The following PIGF variants were observed in gnomAD, a reference collection of about 807,000 sequenced individuals.
The protein encoded by PIGF is GPI ethanolamine phosphate transferase, stabilizing subunit.
A neutral mutation model predicts 26.0 loss-of-function variants in PIGF; 23 were observed. That is an observed-to-expected ratio of 0.88 (90% confidence interval 0.64 to 1.25). The LOEUF is 1.25. Among genes scored for constraint, PIGF ranks in the 50% most tolerant of loss-of-function variants. PIGF has a pLI of 0.00. For synonymous variants in PIGF, 93 were observed against 92.6 expected (o/e 1.00, Z -0.03); for missense variants, 278 against 249.9 (o/e 1.11, Z -0.76).
Position 46,591,362 on chromosome 2 carries a change from G to C in PIGF, c.546+1113C>G, listed in dbSNP as rs181853222. 382 of 193,248 alleles carry C rather than the reference G, an allele frequency of 2.0e-3. 2 individuals carry two copies. The highest frequency in any genetic ancestry group is 2.8e-3 in the Admixed American group (43 of 15,342). The allele number at this position is 193,248 out of a possible 1,614,324, so 12.0% of individuals were successfully genotyped here. A position where few individuals can be genotyped will look rare whatever the true frequency, so the allele number is the denominator to read the frequency against. On this transcript the variant is annotated intron_variant, in intron 5 of 5. Transcript: ENST00000281382. The stretch of plus-strand genomic sequence containing the variant: ...AAAAGCAAATGGAGGTTTCCTCTGG[G>C]TGGTTGGGGAGGAAAGTAATTTTTA...
At chr2:46,597,923 C>G (rs986453090) in intron 4 of PIGF, among the ~76,000 whole-genome samples, 1 of 152,050 alleles carries the variant, frequency 6.6e-6, no homozygotes, top group Non-Finnish European at 1.5e-5. Context: ...AATATATGGG[C>G]CTTCTTAATC....
intron 4 of PIGF, among the ~76,000 whole-genome samples, chr2:46,601,631 G>A (rs1670057360): frequency 6.6e-6 from 1 of 152,038 alleles, no homozygotes; most frequent in Non-Finnish European, 1.5e-5. Context: ...TAAAACAAAT[G>A]CCTCTTTGCC....
At chr2:46,586,377 A>G (rs1335142425) in intron 5 of PIGF, among the ~76,000 whole-genome samples, 1 of 152,198 alleles carries the variant, frequency 6.6e-6, no homozygotes, top group Non-Finnish European at 1.5e-5. Flanking sequence ...TAAAGGTGTA[A>G]ACTAAGATTA....
rs374628552 is a variant in PIGF, at chr2:46,592,603, A to G, written c.438-20T>C. On this transcript the variant is annotated intron_variant, in intron 4 of 5. Coordinates refer to ENST00000281382, the MANE Select transcript of PIGF (RefSeq NM_002643.4). Reference sequence around the variant, plus strand: ...GTAACTCTGTGAAACACAAATTGGTACATCGTTGGTGGTATATACATGAGC... The same window carrying G: ...GTAACTCTGTGAAACACAAATTGGTGCATCGTTGGTGGTATATACATGAGC... 2 of 1,277,906 alleles carry G rather than the reference A, an allele frequency of 1.6e-6. No individual in the cohort carries two copies. The highest frequency in any genetic ancestry group is 2.9e-5 in the African/African-American group (2 of 68,542). 79.2% of individuals were successfully genotyped at this position (1,277,906 alleles called of 1,614,324 possible).
chr2:46,586,155 C>T lies in PIGF; in HGVS notation c.547-4564G>A, dbSNP rs75359015. Among the ~76,000 whole-genome samples the T allele has an allele frequency of 3.9e-3, 591 of 152,320 alleles. 4 individuals carry two copies. The highest frequency in any genetic ancestry group is 0.014 in the African/African-American group (574 of 41,570). On this transcript the variant is annotated intron_variant, in intron 5 of 5. Coordinates refer to ENST00000281382, the MANE Select transcript of PIGF (RefSeq NM_002643.4). Reference sequence around the variant, plus strand: ...GCAAATTCAGGAGCTGTACAACATACTGGCATTACGTTAACCATCTGTATC... The same window carrying T: ...GCAAATTCAGGAGCTGTACAACATATTGGCATTACGTTAACCATCTGTATC...
chr2:46,583,797 A>C (rs1362069002), intron 5 of PIGF, among the ~76,000 whole-genome samples: 1 of 152,184 alleles, frequency 6.6e-6, no homozygotes, highest in Non-Finnish European at 1.5e-5. Context: ...TATTTTACTG[A>C]CATGAATTTT....
chr2:46,594,439 A>C (rs1410439526), intron 4 of PIGF, among the ~76,000 whole-genome samples: 1 of 91,224 alleles, frequency 1.1e-5, no homozygotes, highest in Non-Finnish European at 2.2e-5. Flanking sequence ...AGGACTGGAG[A>C]AAAGAGCTGC....
At chr2:46,592,290 C>G (rs1238429897) in intron 5 of PIGF, among the ~76,000 whole-genome samples, 185 bp downstream of exon 5, 1 of 152,214 alleles carries the variant, frequency 6.6e-6, no homozygotes, top group Non-Finnish European at 1.5e-5. Context: ...ACCAGGGCTA[C>G]CTAGACACCT....
intron 4 of PIGF, among the ~76,000 whole-genome samples, chr2:46,596,075 G>A (rs756259587): frequency 5.3e-5 from 8 of 151,884 alleles, no homozygotes; most frequent in Non-Finnish European, 1.2e-4. Flanking sequence ...TTAGCTGGGC[G>A]CAGCGTCAGG....
At position 46,617,026 on chromosome 2, in the gene PIGF, A is replaced by T; in HGVS notation, c.-78T>A. 1 of 585,758 alleles carries T rather than the reference A, an allele frequency of 1.7e-6. No homozygotes were observed. Among genetic ancestry groups the T allele is most frequent in the East Asian group, 3.0e-5 (1 of 33,874 alleles). The allele number at this position is 585,758 out of a possible 1,614,324, so 36.3% of individuals were successfully genotyped here. On this transcript the variant is annotated 5_prime_UTR_variant, in exon 1 of 6. Transcript: ENST00000281382. ...GAACTACTGCCTCCTACCATCAGGTACGACGGGCGGCCCAGGCCCACGCGC... is the reference window on the plus strand; with the variant it reads ...GAACTACTGCCTCCTACCATCAGGTTCGACGGGCGGCCCAGGCCCACGCGC...
At chr2:46,612,761 G>A (rs1465225915) in intron 3 of PIGF, among the ~76,000 whole-genome samples, 1 of 152,126 alleles carries the variant, frequency 6.6e-6, no homozygotes, top group African/African-American at 2.4e-5. Flanking sequence ...ACAACTAGTG[G>A]TTAACATATA....
intron 5 of PIGF, among the ~76,000 whole-genome samples, chr2:46,584,715 G>T (rs1669511776): frequency 6.6e-6 from 1 of 152,156 alleles, no homozygotes; most frequent in African/African-American, 2.4e-5. Context: ...GTACTTACAA[G>T]AGTACCTCCT....
intron 5 of PIGF, chr2:46,591,919 T>C (rs1319722079): frequency 7.7e-7 from 1 of 1,303,770 alleles, no homozygotes. Context: ...TACCTTGCTA[T>C]CTGCTTCTAA....
intron 4 of PIGF, among the ~76,000 whole-genome samples, chr2:46,611,939 A>AT (rs900301109): frequency 5.3e-4 from 79 of 150,088 alleles, no homozygotes; most frequent in Admixed American, 3.0e-3. Context: ...TAATAGTAGA[A>AT]TTTTTTTTTA....
intron 5 of PIGF, chr2:46,591,848 C>T: frequency 7.7e-7 from 1 of 1,302,854 alleles, no homozygotes; most frequent in Non-Finnish European, 1.0e-6. Flanking sequence ...TATTGTGATA[C>T]AAGACGAAAA....
At chr2:46,607,266 C>T (rs1323602285) in intron 4 of PIGF, among the ~76,000 whole-genome samples, 1 of 152,196 alleles carries the variant, frequency 6.6e-6, no homozygotes, top group East Asian at 1.9e-4. Context: ...CTCATCACTT[C>T]GCAATAACTC....
chr2:46,610,581 G>A (rs1670380041), intron 4 of PIGF, among the ~76,000 whole-genome samples: 1 of 145,152 alleles, frequency 6.9e-6, no homozygotes, highest in South Asian at 2.2e-4. Flanking sequence ...CCAGGCTGGA[G>A]TCCAGTGGTG....
chr2:46,584,829 T>G (rs1363333379), intron 5 of PIGF, among the ~76,000 whole-genome samples: 1 of 152,172 alleles, frequency 6.6e-6, no homozygotes, highest in African/African-American at 2.4e-5. Flanking sequence ...CAAAATAGAT[T>G]ATCAAAATAG....
chr2:46,603,888 A>G (rs1208563694), intron 4 of PIGF, among the ~76,000 whole-genome samples: 1 of 152,126 alleles, frequency 6.6e-6, no homozygotes, highest in Admixed American at 6.6e-5. Context: ...GCTTCTGTAC[A>G]GCAAAAGAAA....
Sources: allele counts gnomAD v4.1 joint callset (sites outside exome capture counted in the v4.1 genomes callset), GRCh38; gene constraint gnomAD v4.1.1; transcripts MANE v1.5; gene names NCBI Gene and HGNC (gene_info 2026-07-23, HGNC 2026-07-21).